Variants in PARP9 observed in about 807,000 individuals in gnomAD.
PARP9 encodes poly(ADP-ribose) polymerase family member 9, also known as protein mono-ADP-ribosyltransferase PARP9.
In PARP9, 48 loss-of-function variants were observed where a neutral mutation model predicts 68.8. The observed-to-expected ratio is 0.70, with a 90% CI of 0.55 to 0.89. The LOEUF is 0.89. Among genes scored for constraint, PARP9 ranks in the 40% least tolerant of loss-of-function variants. PARP9 has a pLI of 0.00. For missense variants in PARP9, 806 were observed against 969.3 expected, an observed-to-expected ratio of 0.83 and a Z score of 2.24; for synonymous variants, 309 against 333.8, an observed-to-expected ratio of 0.93 and a Z score of 0.81.
intron 6 of PARP9, among the ~76,000 whole-genome samples, chr3:122,550,369 G>A (rs1356830481): frequency 3.3e-5 from 5 of 152,272 alleles, no homozygotes; most frequent in East Asian, 1.9e-4. Context: ...GTGAGCCACC[G>A]TGTCTTGCCA....
Position 122,534,943 on chromosome 3 carries a change from C to A in PARP9, c.2080+1225G>T, listed in dbSNP as rs997630006. 3.9e-5 allele frequency: 38 copies of A among 982,404 alleles called. No individual in the cohort carries two copies. In the Admixed American group the frequency reaches 1.8e-3, roughly 48 times the overall value. The allele number at this position is 982,404 out of a possible 1,614,324, so 60.9% of individuals were successfully genotyped here. On this transcript the variant is annotated intron_variant, in intron 10 of 10. Transcript: ENST00000682323. Reference sequence around the variant, plus strand: ...GAGCTGATGATGAGTCTGGCTAAGACCTTGGGACCATATTCCTTGGGAGGA... The same window carrying A: ...GAGCTGATGATGAGTCTGGCTAAGAACTTGGGACCATATTCCTTGGGAGGA...
In PARP9 at chr3:122,535,145, A is replaced by C. The variant is rs959120904; in HGVS notation, c.2080+1023T>G. The C allele has an allele frequency of 1.4e-5, 14 of 985,270 alleles. No homozygotes were observed. The African/African-American group carries it at 1.6e-4, about 11-fold the overall frequency. The allele number at this position is 985,270 out of a possible 1,614,324, so 61.0% of individuals were successfully genotyped here. ...AAGTAGTGGGTGGGGATTGCAGAGA[A>C]GCCAGCTTTAGGAGCAAATGGAAAT... is the stretch of plus-strand genomic sequence containing the variant. On this transcript the variant is annotated intron_variant, in intron 10 of 10. Transcript: ENST00000682323.
intron 4 of PARP9, among the ~76,000 whole-genome samples, chr3:122,553,670 G>C (rs992572257): frequency 6.6e-6 from 1 of 152,076 alleles, no homozygotes; most frequent in African/African-American, 2.4e-5. Flanking sequence ...TAGGCAATAA[G>C]TGTTATTGGT....
At chr3:122,560,257 AT>A (rs2107744417) in intron 1 of PARP9, among the ~76,000 whole-genome samples, 1 of 152,322 alleles carries the variant, frequency 6.6e-6, no homozygotes, top group African/African-American at 2.4e-5. Flanking sequence ...CTTTGTTATG[AT>A]TTTCCATCTA....
chr3:122,539,507 ATTT>A (rs2077940715), intron 8 of PARP9, among the ~76,000 whole-genome samples: 1 of 133,162 alleles, frequency 7.5e-6, no homozygotes, highest in Non-Finnish European at 1.6e-5. Flanking sequence ...CCAAGATGGC[ATTT>A]CTTTCTTTCT....
intron 1 of PARP9, among the ~76,000 whole-genome samples, chr3:122,563,132 T>G (rs1160267573): frequency 1.3e-5 from 2 of 152,214 alleles, no homozygotes; most frequent in Non-Finnish European, 1.5e-5. Context: ...TCCACACGGT[T>G]GTCAGCACCA....
Position 122,555,690 on chromosome 3 carries a change from C to T in PARP9, c.481G>A (p.Ala161Thr), listed in dbSNP as rs1276962389. 4 of 1,613,986 alleles carry T rather than the reference C, an allele frequency of 2.5e-6. No homozygotes were observed. Among genetic ancestry groups the T allele is most frequent in the Non-Finnish European group, 2.5e-6 (3 of 1,180,020 alleles). Residue 161 changes from alanine to threonine, a missense_variant, in exon 4 of 11, where the codon GCT (alanine) becomes ACT (threonine). Physicochemically the swap from Ala to Thr is moderately conservative, Grantham distance 58 (BLOSUM62 0). Transcript: ENST00000682323. ...GRLPCKQIIHAVGPRWMEWDK... is the reference protein window; with the variant it reads ...GRLPCKQIIHTVGPRWMEWDK... ...CATTCCATCCACCGAGGCCCAACAG[C>T]ATGGATGATCTGTTTGCAGGGAAGC...
intron 10 of PARP9, among the ~76,000 whole-genome samples, chr3:122,529,019 G>C (rs374661957): frequency 4.0e-5 from 6 of 151,780 alleles, no homozygotes; most frequent in Admixed American, 3.9e-4. Flanking sequence ...AGGCTGAGGC[G>C]GGTGGAACAC....
rs552076283 is a variant in PARP9 at position 122,537,039 on chromosome 3, G to A, written c.1800C>T (p.Asp600=). 43 of 1,613,408 alleles carry A rather than the reference G, an allele frequency of 2.7e-5. No homozygotes were observed. Among genetic ancestry groups the A allele is most frequent in the South Asian group, 1.4e-4 (13 of 90,998 alleles). ...QWTIQQQKTQ[D]EMKENIIFLK... is the part of the protein sequence containing the mutation. ...GAAATATGATATTTTCTTTCATTTC[G>A]TCTTGGGTTTTTTGTTGCTGAATAG... is the stretch of plus-strand genomic sequence containing the variant. Residue 600 remains aspartate, a synonymous_variant, in exon 9 of 11, where the codon GAC becomes GAT. Transcript: ENST00000682323.
rs1462608701 is a variant in PARP9 at position 122,545,425 on chromosome 3, TACTC to T, written c.1384+3_1384+6del. The T allele has an allele frequency of 1.9e-6, 3 of 1,614,178 alleles. No homozygotes were observed. The highest frequency in any genetic ancestry group is 2.7e-5 in the African/African-American group (2 of 75,064). On this transcript the variant is annotated splice_donor_5th_base_variant and intron_variant, in intron 7 of 10. Coordinates refer to ENST00000682323, the MANE Select transcript of PARP9 (RefSeq NM_001146105.2). ...CCTACTTATTGGCCTGTGAATTTCT[TACTC>T]ACCACTGTAATTGTTCAAACTCAGC...
At chr3:122,529,154 C>G (rs2077120627) in intron 10 of PARP9, among the ~76,000 whole-genome samples, 1 of 148,328 alleles carries the variant, frequency 6.7e-6, no homozygotes, top group African/African-American at 2.5e-5. Flanking sequence ...AGGAGAATCA[C>G]TTGAACCCAG....
intron 10 of PARP9, among the ~76,000 whole-genome samples, chr3:122,529,753 CAAAAA>C (rs1172329461): frequency 4.4e-5 from 3 of 68,158 alleles, no homozygotes; most frequent in South Asian, 4.2e-4. Flanking sequence ...GACTCCGTCC[CAAAAA>C]AAAAAAAAAA....
At chr3:122,545,348 C>T in intron 7 of PARP9, 84 bp downstream of exon 7, 1 of 1,386,466 alleles carries the variant, frequency 7.2e-7, no homozygotes, top group Admixed American at 1.7e-5. Flanking sequence ...TTCTTCTTCT[C>T]CCCTCCGTTA....
At chr3:122,552,818 A>G (rs1559861010) in intron 4 of PARP9, among the ~76,000 whole-genome samples, 179 bp from the exon 5 acceptor site, 1 of 152,202 alleles carries the variant, frequency 6.6e-6, no homozygotes, top group South Asian at 2.1e-4. Context: ...TTTGATTGCC[A>G]TGAACGAAGC....
intron 7 of PARP9, among the ~76,000 whole-genome samples, chr3:122,544,618 A>G (rs1327343965): frequency 6.6e-6 from 1 of 152,108 alleles, no homozygotes; most frequent in African/African-American, 2.4e-5. Context: ...GGAGTTTAAG[A>G]CCAGTCTGGG....
rs764958128 is a variant in PARP9, at chr3:122,555,390, G to T, written c.781C>A (p.Leu261Ile). Residue 261 changes from leucine to isoleucine, a missense_variant, in exon 4 of 11, where the codon CTA becomes ATA. This residue lies in a region of PARP9 where 680 missense variants were observed against 858.8 expected (regional missense o/e 0.79). Coordinates refer to ENST00000682323, the MANE Select transcript of PARP9 (RefSeq NM_001146105.2). ...AAFKAASEFI[L>I]GKSELGQETT... ...TCTTGTCCCAGCTCACTCTTCCCTA[G>T]GATGAATTCTGAAGCAGCTTTAAAG... 4 of 1,614,058 alleles carry T rather than the reference G, an allele frequency of 2.5e-6. No homozygotes were observed. Among genetic ancestry groups the T allele is most frequent in the Non-Finnish European group, 2.5e-6 (3 of 1,179,990 alleles).
chr3:122,549,669 T>C (rs1394442013), intron 6 of PARP9, among the ~76,000 whole-genome samples: 1 of 151,924 alleles, frequency 6.6e-6, no homozygotes, highest in Non-Finnish European at 1.5e-5. Context: ...TAGTGCCTGC[T>C]ACTCAAGAGG....
upstream of PARP9, chr3:122,564,637 C>A: frequency 1.3e-6 from 2 of 1,577,112 alleles, no homozygotes; most frequent in African/African-American, 1.4e-5. Context: ...GGCCAGGCTG[C>A]GAAAGCCCTC....
Position 122,536,161 on chromosome 3 carries a change from C to CT in PARP9, c.2080+6_2080+7insA. On this transcript the variant is annotated splice_region_variant and intron_variant, in intron 10 of 10. Coordinates refer to ENST00000682323, the MANE Select transcript of PARP9 (RefSeq NM_001146105.2). The stretch of plus-strand genomic sequence containing the variant: ...AGTAGCCCCAATGATGAGGCATTGA[C>CT]ACCTACCGCAAGGTGTCGAGTACAT... 1 of 1,614,118 alleles carries CT rather than the reference C, an allele frequency of 6.2e-7. No individual in the cohort carries two copies. Among genetic ancestry groups the CT allele is most frequent in the East Asian group, 2.2e-5 (1 of 44,882 alleles).
Sources: gnomAD v4.1 joint callset for allele counts (sites outside exome capture counted in the v4.1 genomes callset) on GRCh38, gnomAD v4.1.1 for gene constraint, gnomAD v4.1.1 regional missense constraint, MANE v1.5 for transcripts, NCBI Gene and HGNC (gene_info 2026-07-23, HGNC 2026-07-21) for gene names.